Variants in NCKAP5 observed in about 807,000 individuals in gnomAD.
NCKAP5 encodes the protein nck-associated protein 5.
NCKAP5 carries 92 observed loss-of-function variants against 167.0 expected under a neutral mutation model. That is an observed-to-expected ratio of 0.55 (90% CI 0.47 to 0.66). NCKAP5 has a LOEUF of 0.66. Ranked by LOEUF, NCKAP5 falls within the 30% of genes least tolerant of loss-of-function variation. The probability of loss-of-function intolerance (pLI) is 0.00; values close to 1 mark genes in which losing one functional copy is unlikely to be tolerated. For synonymous variants in NCKAP5, 891 were observed against 877.4 expected (o/e 1.02, Z -0.27); for missense variants, 2,378 against 2,315.0 (o/e 1.03, Z -0.56).
At chr2:133,111,689 G>A (rs1291137809) in intron 6 of NCKAP5, among the ~76,000 whole-genome samples, 4 of 152,122 alleles carry the variant, frequency 2.6e-5, no homozygotes, top group Non-Finnish European at 4.4e-5. Context: ...GACTGGGCCC[G>A]GGTACCTTTT....
intron 7 of NCKAP5, among the ~76,000 whole-genome samples, chr2:132,988,153 T>C (rs2077344090): frequency 6.6e-6 from 1 of 152,190 alleles, no homozygotes; most frequent in African/African-American, 2.4e-5. Flanking sequence ...GAAGTTATTG[T>C]TCTGTTCTAA....
At chr2:133,425,697 CAA>C (rs1005903138) in intron 3 of NCKAP5, among the ~76,000 whole-genome samples, 4 of 152,022 alleles carry the variant, frequency 2.6e-5, no homozygotes, top group African/African-American at 9.7e-5. Context: ...GTGGGAAATA[CAA>C]AAAGAGTCTG....
intron 3 of NCKAP5, among the ~76,000 whole-genome samples, chr2:133,329,477 G>C (rs528110709): frequency 4.1e-4 from 62 of 152,192 alleles, no homozygotes; most frequent in African/African-American, 1.4e-3. Context: ...TCTTCATAAA[G>C]AATAGCCAAG....
chr2:133,241,912 G>A (rs537261230), intron 4 of NCKAP5, among the ~76,000 whole-genome samples: 1 of 152,222 alleles, frequency 6.6e-6, no homozygotes, highest in South Asian at 2.1e-4. Context: ...GAGGTAAGGA[G>A]TTCGAGACCA....
At chr2:133,063,395 A>C (rs115501513) in intron 6 of NCKAP5, among the ~76,000 whole-genome samples, 1 of 152,220 alleles carries the variant, frequency 6.6e-6, no homozygotes, top group Non-Finnish European at 1.5e-5. Flanking sequence ...ATACACTACC[A>C]GCATGTATTT....
chr2:133,073,199 T>C (rs1379981046), intron 6 of NCKAP5, among the ~76,000 whole-genome samples: 2 of 152,138 alleles, frequency 1.3e-5, no homozygotes, highest in Admixed American at 6.5e-5. Context: ...AAACGGGGTG[T>C]CTGTAGGCTA....
intron 3 of NCKAP5, among the ~76,000 whole-genome samples, chr2:133,403,887 A>ATGTGTGTGTGTGTGTGTGTG (rs138024785): frequency 3.0e-4 from 44 of 148,216 alleles, no homozygotes; most frequent in African/African-American, 1.0e-3. Flanking sequence ...AGTCAGGTGG[A>ATGTGTGTGTGTGTGTGTGTG]TGTGTGTGTG....
At chr2:133,167,884 A>G (rs1230187980) in intron 5 of NCKAP5, among the ~76,000 whole-genome samples, 2 of 152,074 alleles carry the variant, frequency 1.3e-5, no homozygotes, top group Non-Finnish European at 2.9e-5. Flanking sequence ...TCTCCATCCA[A>G]TTATTCCCCT....
chr2:133,610,579 G>A, the NCKAP5 span, among the ~76,000 whole-genome samples: 1 of 152,238 alleles, frequency 6.6e-6, no homozygotes, highest in South Asian at 2.1e-4. Context: ...TGACTAAAAT[G>A]TTCCAGGCAA....
chr2:132,771,839 ATTTTTTTTTT>A (rs70973406), intron 16 of NCKAP5, among the ~76,000 whole-genome samples: 12 of 100,764 alleles, frequency 1.2e-4, no homozygotes, highest in Admixed American at 4.7e-4. Context: ...CGCCCGGCTA[ATTTTTTTTTT>A]TTTTTTTTTT....
intron 18 of NCKAP5, among the ~76,000 whole-genome samples, chr2:132,727,165 T>C (rs2105441527): frequency 6.6e-6 from 1 of 152,318 alleles, no homozygotes; most frequent in Middle Eastern, 3.4e-3. Context: ...CATTGGTGGA[T>C]GTATGTCTTA....
Position 132,782,204 on chromosome 2 carries a change from T to A in NCKAP5, c.4607A>T (p.Asp1536Val). 1 of 1,613,800 alleles carries A rather than the reference T, an allele frequency of 6.2e-7. No homozygotes were observed. The highest frequency in any genetic ancestry group is 8.5e-7 in the Non-Finnish European group (1 of 1,179,874). ...GTTTCCAAACCCCAAGACTTTTGCA[T>A]CTTTCTTTTCTACTTTGGTTTTGGA... ...DISKTKVEKK[D>V]AKVLGFGNRQ... is the part of the protein sequence containing the mutation. The change falls in exon 14 of 20, where the codon GAT (aspartate) becomes GTT (valine). Residue 1536 changes from aspartate to valine, a missense_variant. Transcript: ENST00000409261.
At chr2:133,521,280 CAAGT>C (rs1038507072) in intron 2 of NCKAP5, among the ~76,000 whole-genome samples, 13 of 152,310 alleles carry the variant, frequency 8.5e-5, no homozygotes, top group Admixed American at 6.5e-4. Context: ...CTAGTGTCAT[CAAGT>C]AACCTTCCAA....
Position 133,184,670 on chromosome 2 carries a change from G to C in NCKAP5, c.207+29046C>G, listed in dbSNP as rs145001483. On this transcript the variant is annotated intron_variant, in intron 5 of 19. Transcript: ENST00000409261. The stretch of plus-strand genomic sequence containing the variant: ...AAATAGTAGCCATTCTGACTGGTGT[G>C]AGATGGTATCTTACTGTGGTTTTGA... Among the ~76,000 whole-genome samples the C allele has an allele frequency of 5.9e-5, 9 of 152,240 alleles. No individual in the cohort carries two copies. In the East Asian group the frequency reaches 1.7e-3, roughly 29 times the overall value.
At chr2:133,001,696 T>A (rs1257336095) in intron 6 of NCKAP5, among the ~76,000 whole-genome samples, 1 of 152,168 alleles carries the variant, frequency 6.6e-6, no homozygotes, top group Non-Finnish European at 1.5e-5. Flanking sequence ...CCCTGGCATT[T>A]ACTTGGCTGG....
chr2:132,996,325 CAT>C (rs2077598149), intron 6 of NCKAP5, among the ~76,000 whole-genome samples: 1 of 152,210 alleles, frequency 6.6e-6, no homozygotes, highest in Non-Finnish European at 1.5e-5. Context: ...TTATATACTA[CAT>C]GTTATAATCT....
At chr2:133,473,107 G>A (rs1679499663) in intron 3 of NCKAP5, among the ~76,000 whole-genome samples, 1 of 152,176 alleles carries the variant, frequency 6.6e-6, no homozygotes, top group Non-Finnish European at 1.5e-5. Flanking sequence ...GCCAAGGCGG[G>A]TGGATCATGA....
chr2:133,649,483 G>T, the NCKAP5 span, among the ~76,000 whole-genome samples: 1 of 151,536 alleles, frequency 6.6e-6, no homozygotes, highest in Non-Finnish European at 1.5e-5. Context: ...CAAAAGTCCT[G>T]AACAAAATAC....
intron 8 of NCKAP5, among the ~76,000 whole-genome samples, chr2:132,900,291 C>T (rs944458100): frequency 2.6e-5 from 4 of 152,218 alleles, no homozygotes; most frequent in African/African-American, 7.2e-5. Context: ...CAGACTTGCT[C>T]TATGCAGGGT....
Sources: gnomAD v4.1 joint callset for allele counts (sites outside exome capture counted in the v4.1 genomes callset) on GRCh38, gnomAD v4.1.1 for gene constraint, MANE v1.5 for transcripts, NCBI Gene and HGNC (gene_info 2026-07-23, HGNC 2026-07-21) for gene names.